The following SDE2 variants were observed in gnomAD, a reference collection of about 807,000 sequenced individuals.
The protein encoded by SDE2 is splicing regulator SDE2.
A neutral mutation model predicts 46.9 loss-of-function variants in SDE2; 31 were observed. The ratio of observed to expected loss-of-function variants is 0.66; its 90% CI spans 0.50 to 0.89. The LOEUF (loss-of-function observed/expected upper bound fraction) is 0.89, where lower values mean the gene tolerates loss of function less well. Among genes scored for constraint, SDE2 ranks in the 40% least tolerant of loss-of-function variants. The pLI, the probability that SDE2 is intolerant of heterozygous loss-of-function variation, is 0.00. For missense variants in SDE2, 542 were observed against 564.4 expected (o/e 0.96, Z 0.40); for synonymous variants, 205 against 204.3 (o/e 1.00, Z -0.03).
intron 5 of SDE2, among the ~76,000 whole-genome samples, chr1:225,990,911 A>AAAG (rs10634727): frequency 0.85 from 128,757 of 151,958 alleles, 54,854 homozygotes; most frequent in East Asian, 0.95. Context: ...AAAACCACAG[A>AAAG]CAACCACCTG....
chr1:225,991,490 A>AT (rs1384791466), intron 4 of SDE2, 127 bp from the exon 5 acceptor site: 4 of 639,462 alleles, frequency 6.3e-6, no homozygotes, highest in Non-Finnish European at 1.1e-5. Flanking sequence ...AGATACCAAC[A>AT]TTTTATACAG....
At chr1:225,995,420 G>T in intron 1 of SDE2, 37 bp from the exon 2 acceptor site, 1 of 1,036,760 alleles carries the variant, frequency 9.6e-7, no homozygotes, top group Non-Finnish European at 1.5e-6. Flanking sequence ...CCTTTTATGA[G>T]ATAATAATCT....
rs1235738431 is a variant in SDE2, at chr1:225,992,799, C to T, written c.350+92G>A. Reference sequence around the variant, plus strand: ...ATTTGGATGTAAATATTTTAAGTTTCCATTTCCAATATGCGTGGCATATGT... The same window carrying T: ...ATTTGGATGTAAATATTTTAAGTTTTCATTTCCAATATGCGTGGCATATGT... On this transcript the variant is annotated intron_variant, in intron 3 of 6. Transcript: ENST00000272091. 4.1e-6 allele frequency: 3 copies of T among 735,172 alleles called. No homozygotes were observed. In the African/African-American group the frequency reaches 5.4e-5, roughly 13 times the overall value. 45.5% of individuals were successfully genotyped at this position (735,172 alleles called of 1,614,324 possible).
chr1:225,984,445 G>A lies in SDE2; in HGVS notation c.*857C>T, dbSNP rs1359896214. 1 of 152,076 alleles carries A rather than the reference G, an allele frequency of 6.6e-6. No individual in the cohort carries two copies. Among genetic ancestry groups the A allele is most frequent in the Non-Finnish European group, 1.5e-5 (1 of 68,014 alleles). The allele number at this position is 152,076 out of a possible 1,614,324, so 9.4% of individuals were successfully genotyped here. On this transcript the variant is annotated 3_prime_UTR_variant, in exon 7 of 7. Coordinates refer to ENST00000272091, the MANE Select transcript of SDE2 (RefSeq NM_152608.4). ...GATCAAAGGAGACTCAAGCTAAATAGAAGAAAGAAAATAACAGAAATTAAT... is the reference window on the plus strand; with the variant it reads ...GATCAAAGGAGACTCAAGCTAAATAAAAGAAAGAAAATAACAGAAATTAAT...
intron 6 of SDE2, among the ~76,000 whole-genome samples, chr1:225,985,752 G>A (rs1199536573): frequency 6.6e-6 from 1 of 152,146 alleles, no homozygotes; most frequent in East Asian, 1.9e-4. Flanking sequence ...AGTAACAGAA[G>A]TATAGCATTC....
Position 225,983,353 on chromosome 1 carries a change from G to A in SDE2, c.*1949C>T, listed in dbSNP as rs922161636. ...TACATTAGGAAGACATAAGTTATTA[G>A]AGCTTCATACAAAAACTGGTAGAAT... On this transcript the variant is annotated 3_prime_UTR_variant, in exon 7 of 7. Transcript: ENST00000272091. 1.3e-5 allele frequency: 2 copies of A among 152,128 alleles called. No individual in the cohort carries two copies. The highest frequency in any genetic ancestry group is 1.3e-4 in the Admixed American group (2 of 15,264). The allele number at this position is 152,128 out of a possible 1,614,324, so 9.4% of individuals were successfully genotyped here. A position where few individuals can be genotyped will look rare whatever the true frequency, so the allele number is the denominator to read the frequency against.
chr1:225,991,483 T>C, intron 4 of SDE2, 120 bp from the exon 5 acceptor site: 1 of 682,408 alleles, frequency 1.5e-6, no homozygotes, highest in East Asian at 2.7e-5. Flanking sequence ...TTTCTTAAGA[T>C]ACCAACATTT....
At chr1:225,986,404 T>C (rs1656269438) in intron 6 of SDE2, among the ~76,000 whole-genome samples, 1 of 152,130 alleles carries the variant, frequency 6.6e-6, no homozygotes, top group Non-Finnish European at 1.5e-5. Context: ...TGTCTATCTT[T>C]GAGTGATTTT....
In SDE2 at chr1:225,983,153, T is replaced by C. The variant is rs1167488230; in HGVS notation, c.*2149A>G. 6.6e-6 allele frequency: 1 copy of C among 152,190 alleles called. No individual in the cohort carries two copies. Among genetic ancestry groups the C allele is most frequent in the Non-Finnish European group, 1.5e-5 (1 of 68,024 alleles). 9.4% of individuals were successfully genotyped at this position (152,190 alleles called of 1,614,324 possible). ...ATGCAAGTCTCAAGTATATGTTGTT[T>C]AAAGAAACTACTTTAAATAGGCACA... On this transcript the variant is annotated 3_prime_UTR_variant, in exon 7 of 7. Transcript: ENST00000272091.
At chr1:225,992,042 G>T (rs1656411872) in intron 4 of SDE2, among the ~76,000 whole-genome samples, 1 of 152,128 alleles carries the variant, frequency 6.6e-6, no homozygotes, top group African/African-American at 2.4e-5. Context: ...AGCCAGGCGT[G>T]GTGGCGTGTG....
chr1:225,995,048 G>T (rs944658498), intron 2 of SDE2, among the ~76,000 whole-genome samples: 2 of 151,974 alleles, frequency 1.3e-5, no homozygotes, highest in African/African-American at 4.8e-5. Flanking sequence ...TGTCTCAAAA[G>T]AAAGAAAACA....
At chr1:225,997,108 C>T (rs1414517332) in intron 1 of SDE2, among the ~76,000 whole-genome samples, 2 of 152,208 alleles carry the variant, frequency 1.3e-5, no homozygotes, top group African/African-American at 2.4e-5. Flanking sequence ...CATTATGACA[C>T]ATCACCATTT....
Position 225,992,085 on chromosome 1 carries a change from G to A in SDE2, c.520+313C>T, listed in dbSNP as rs138861057. 9.5e-4 allele frequency among the ~76,000 whole-genome samples: 145 copies of A among 152,158 alleles called. 1 individual carries two copies. Among genetic ancestry groups the A allele is most frequent in the African/African-American group, 3.0e-3 (124 of 41,522 alleles). On this transcript the variant is annotated intron_variant, in intron 4 of 6. Coordinates refer to ENST00000272091, the MANE Select transcript of SDE2 (RefSeq NM_152608.4). ...TCCCAGCTACTCTGGAGGCTAAGGC[G>A]GGAGAATTGCTCGAACCCAGGAGGC...
At chr1:225,988,664 G>T (rs182435094) in intron 5 of SDE2, among the ~76,000 whole-genome samples, 2 of 152,318 alleles carry the variant, frequency 1.3e-5, no homozygotes, top group African/African-American at 4.8e-5. Context: ...GGGGGGCAGA[G>T]GTTGCGGTGA....
chr1:225,991,917 A>G (rs1296836931), intron 4 of SDE2, among the ~76,000 whole-genome samples: 1 of 152,256 alleles, frequency 6.6e-6, no homozygotes, highest in African/African-American at 2.4e-5. Context: ...TTCAGGGGTT[A>G]AATATGCCAA....
Position 225,988,289 on chromosome 1 carries a change from A to G in SDE2, c.741T>C (p.His247=), listed in dbSNP as rs753175952. Reference sequence around the variant, plus strand: ...CACCATTGCTACCAATTTTTGGAGCATGGAAACCCATTCCTGAAGTGCTTG... The same window carrying G: ...CACCATTGCTACCAATTTTTGGAGCGTGGAAACCCATTCCTGAAGTGCTTG... ...EAPSTSGMGF[H]APKIGSNGVE... Residue 247 remains histidine (H), a synonymous_variant, in exon 6 of 7, where the codon CAT becomes CAC. Coordinates refer to ENST00000272091, the MANE Select transcript of SDE2 (RefSeq NM_152608.4). The G allele has an allele frequency of 6.2e-7, 1 of 1,614,088 alleles. No individual in the cohort carries two copies.
intron 1 of SDE2, among the ~76,000 whole-genome samples, chr1:225,998,084 C>T (rs1656571717): frequency 6.6e-6 from 1 of 151,918 alleles, no homozygotes; most frequent in Non-Finnish European, 1.5e-5. Flanking sequence ...GCCGAGATCA[C>T]GCCATTGCAC....
intron 1 of SDE2, among the ~76,000 whole-genome samples, chr1:225,997,639 C>T (rs949209980): frequency 6.6e-6 from 1 of 152,150 alleles, no homozygotes; most frequent in Admixed American, 6.5e-5. Context: ...ACCATGTTGC[C>T]AAGCTGGTCT....
intron 4 of SDE2, among the ~76,000 whole-genome samples, chr1:225,991,963 G>A (rs1051068561): frequency 2.0e-5 from 3 of 152,176 alleles, no homozygotes; most frequent in Non-Finnish European, 1.5e-5. Context: ...TCCCAAGCAC[G>A]AGGTTAGGAG....
Sources: allele counts gnomAD v4.1 joint callset (sites outside exome capture counted in the v4.1 genomes callset), GRCh38; gene constraint gnomAD v4.1.1; transcripts MANE v1.5; gene names NCBI Gene and HGNC (gene_info 2026-07-23, HGNC 2026-07-21).